The following CNBD1 variants were observed in gnomAD, a reference collection of about 807,000 sequenced individuals.
CNBD1 encodes cyclic nucleotide binding domain containing 1.
Under a neutral mutation model 54.4 loss-of-function variants are expected in CNBD1, and 71 were observed. The observed-to-expected ratio is 1.30, with a 90% CI of 1.08 to 1.59. The LOEUF (loss-of-function observed/expected upper bound fraction) is 1.59, where lower values mean the gene tolerates loss of function less well. Ranked by LOEUF, CNBD1 falls within the 40% of genes most tolerant of loss-of-function variation. The probability of loss-of-function intolerance (pLI) is 0.00; values close to 1 mark genes in which losing one functional copy is unlikely to be tolerated. For synonymous variants in CNBD1, 182 were observed against 170.7 expected (o/e 1.07, Z -0.51); for missense variants, 659 against 518.0 (o/e 1.27, Z -2.64).
rs555152844 is a variant in CNBD1 at position 86,968,528 on chromosome 8, C to T, written c.431+28774C>T. ...TCTCAATCATTTTAGGAGGTTTATC[C>T]GCCAAAGTTAAGGACGTGCACCAGG... On this transcript the variant is annotated intron_variant, in intron 4 of 10. Coordinates refer to ENST00000518476, the MANE Select transcript of CNBD1 (RefSeq NM_173538.3). Among the ~76,000 whole-genome samples, 116 of 152,226 alleles carry T rather than the reference C, an allele frequency of 7.6e-4. 2 individuals carry two copies. The highest frequency in any genetic ancestry group is 2.6e-3 in the African/African-American group (109 of 41,548).
At chr8:86,965,370 A>G (rs931548877) in intron 4 of CNBD1, among the ~76,000 whole-genome samples, 1 of 152,144 alleles carries the variant, frequency 6.6e-6, no homozygotes, top group Non-Finnish European at 1.5e-5. Flanking sequence ...CAGGACCTCC[A>G]TCCAGTCCCA....
chr8:87,405,980 A>T (rs1456945347), intron 2 of CNBD1, among the ~76,000 whole-genome samples: 1 of 152,142 alleles, frequency 6.6e-6, no homozygotes, highest in Non-Finnish European at 1.5e-5. Flanking sequence ...GACAAGTTGA[A>T]ATCCCTGCAG....
chr8:87,428,284 C>T (rs1383031144), intron 2 of CNBD1, among the ~76,000 whole-genome samples: 2 of 152,080 alleles, frequency 1.3e-5, no homozygotes, highest in Non-Finnish European at 2.9e-5. Flanking sequence ...ATGTCTGCCA[C>T]ATGTTAAGTA....
At chr8:87,134,900 C>T (rs995267006) in intron 4 of CNBD1, among the ~76,000 whole-genome samples, 66 of 152,204 alleles carry the variant, frequency 4.3e-4, no homozygotes, top group African/African-American at 1.5e-3. Context: ...TGAGCCACCA[C>T]GCCCAGCCAG....
intron 4 of CNBD1, among the ~76,000 whole-genome samples, chr8:86,940,921 G>A (rs1809643991): frequency 6.6e-6 from 1 of 152,154 alleles, no homozygotes; most frequent in Admixed American, 6.5e-5. Context: ...CAGGTTTGTA[G>A]CCTAGGAACA....
At chr8:87,403,101 G>A (rs1013691218) in intron 2 of CNBD1, among the ~76,000 whole-genome samples, 2 of 150,660 alleles carry the variant, frequency 1.3e-5, no homozygotes, top group Non-Finnish European at 2.9e-5. Flanking sequence ...CTTAAAATTG[G>A]TGGAATTAGA....
chr8:87,427,267 A>G (rs558575786), intron 2 of CNBD1, among the ~76,000 whole-genome samples: 53 of 152,248 alleles, frequency 3.5e-4, no homozygotes, highest in Admixed American at 8.5e-4. Context: ...TGTTCTACTC[A>G]TTACAATCAA....
intron 8 of CNBD1, among the ~76,000 whole-genome samples, chr8:87,343,871 T>C (rs891895069): frequency 6.7e-6 from 1 of 149,208 alleles, no homozygotes; most frequent in African/African-American, 2.6e-5. Flanking sequence ...ATTTACCTGA[T>C]TTTTTTCCTA....
intron 8 of CNBD1, among the ~76,000 whole-genome samples, chr8:87,347,346 G>A (rs111567018): frequency 0.024 from 3,673 of 152,212 alleles, 148 homozygotes; most frequent in African/African-American, 0.081. Flanking sequence ...TTGAGAATAT[G>A]CATTCTTCCA....
chr8:87,143,791 G>C (rs1487166738), intron 4 of CNBD1, among the ~76,000 whole-genome samples: 4 of 152,118 alleles, frequency 2.6e-5, no homozygotes, highest in Non-Finnish European at 5.9e-5. Context: ...TCTATTGGGA[G>C]TTCACTGTCT....
chr8:87,050,859 T>A (rs577510393), intron 4 of CNBD1, among the ~76,000 whole-genome samples: 1 of 152,314 alleles, frequency 6.6e-6, no homozygotes, highest in East Asian at 1.9e-4. Context: ...TTTTAAGTTA[T>A]CCATGATGAT....
rs923726181 is a variant in CNBD1 at position 86,910,409 on chromosome 8, A to AT, written c.272+5222dup. On this transcript the variant is annotated intron_variant, in intron 3 of 10. Coordinates refer to ENST00000518476, the MANE Select transcript of CNBD1 (RefSeq NM_173538.3). ...CCTGTAACACTGGAGAGAAAAAGGA[A>AT]TTTTTTTCAACCAGAATAATCCTGA... Among the ~76,000 whole-genome samples the AT allele has an allele frequency of 4.6e-5, 7 of 151,972 alleles. 1 individual carries two copies. The highest frequency in any genetic ancestry group is 4.6e-4 in the Admixed American group (7 of 15,270).
intron 6 of CNBD1, among the ~76,000 whole-genome samples, chr8:87,238,130 G>T (rs201955484): frequency 2.0e-5 from 3 of 149,434 alleles, no homozygotes; most frequent in African/African-American, 7.6e-5. Context: ...CACCAGATCT[G>T]CATTCTGCTT....
chr8:86,949,403 T>C (rs868513003), intron 4 of CNBD1, among the ~76,000 whole-genome samples: 42 of 152,186 alleles, frequency 2.8e-4, no homozygotes, highest in African/African-American at 9.9e-4. Flanking sequence ...CTTTCCATTT[T>C]TGGTGTCCTC....
intron 5 of CNBD1, among the ~76,000 whole-genome samples, chr8:87,225,799 A>C (rs2130813945): frequency 6.7e-6 from 1 of 149,358 alleles, no homozygotes; most frequent in Non-Finnish European, 1.5e-5. Flanking sequence ...TGATTGGAAT[A>C]GTTTCAGAAG....
At chr8:87,063,213 A>G (rs1810581006) in intron 4 of CNBD1, among the ~76,000 whole-genome samples, 1 of 152,196 alleles carries the variant, frequency 6.6e-6, no homozygotes, top group Non-Finnish European at 1.5e-5. Context: ...CAGAAAATAC[A>G]TATAAATCCC....
At chr8:87,360,802 G>A (rs989808491) in intron 10 of CNBD1, among the ~76,000 whole-genome samples, 1 of 151,792 alleles carries the variant, frequency 6.6e-6, no homozygotes, top group African/African-American at 2.4e-5. Context: ...GGTGTTATTG[G>A]TATAAACTAT....
intron 4 of CNBD1, among the ~76,000 whole-genome samples, chr8:87,135,923 A>G (rs184273118): frequency 1.4e-4 from 22 of 152,134 alleles, no homozygotes; most frequent in Admixed American, 7.9e-4. Context: ...TAGCAAAGCA[A>G]TTAACTAACA....
chr8:87,068,344 T>A (rs562681754), intron 4 of CNBD1, among the ~76,000 whole-genome samples: 60 of 148,004 alleles, frequency 4.1e-4, no homozygotes, highest in African/African-American at 1.5e-3. Context: ...TACTGTTTTG[T>A]TTTTTCATTT....
Sources: gnomAD v4.1 joint callset for allele counts (sites outside exome capture counted in the v4.1 genomes callset) on GRCh38, gnomAD v4.1.1 for gene constraint, MANE v1.5 for transcripts, NCBI Gene and HGNC (gene_info 2026-07-23, HGNC 2026-07-21) for gene names.